BIRC6: variants seen among roughly 807,000 people sequenced by gnomAD.
The protein encoded by BIRC6 is baculoviral IAP repeat containing 6, also known as dual E2 ubiquitin-conjugating enzyme/E3 ubiquitin-protein ligase BIRC6.
BIRC6 carries 98 observed loss-of-function variants against 503.3 expected under a neutral mutation model. The observed-to-expected ratio is 0.19, with a 90% confidence interval of 0.17 to 0.23. The LOEUF (loss-of-function observed/expected upper bound fraction) is 0.23, where lower values mean the gene tolerates loss of function less well. Ranked by LOEUF, BIRC6 falls within the 10% of genes least tolerant of loss-of-function variation. The pLI is 1.00. For synonymous variants in BIRC6, 2,240 were observed against 2,078.7 expected, an observed-to-expected ratio of 1.08 and a Z score of -2.11; for missense variants, 5,360 against 5,806.0, an observed-to-expected ratio of 0.92 and a Z score of 2.50.
At chr2:32,371,749 C>T (rs1314068525) in intron 1 of BIRC6, among the ~76,000 whole-genome samples, 1 of 151,946 alleles carries the variant, frequency 6.6e-6, no homozygotes, top group African/African-American at 2.4e-5. Flanking sequence ...CTACCCCCTC[C>T]TTAGTTAATA....
intron 55 of BIRC6, among the ~76,000 whole-genome samples, chr2:32,517,500 G>A (rs1368030407): frequency 6.6e-6 from 1 of 152,136 alleles, no homozygotes; most frequent in African/African-American, 2.4e-5. Context: ...TGAAAATTTG[G>A]TTTGTGCTTC....
At chr2:32,577,609 A>C (rs1053008053) in intron 66 of BIRC6, among the ~76,000 whole-genome samples, 1 of 152,214 alleles carries the variant, frequency 6.6e-6, no homozygotes, top group African/African-American at 2.4e-5. Flanking sequence ...AGGTAATTAT[A>C]GAATATTCTT....
At chr2:32,562,038 A>G (rs937189999) in intron 65 of BIRC6, among the ~76,000 whole-genome samples, 3 of 151,944 alleles carry the variant, frequency 2.0e-5, no homozygotes, top group African/African-American at 2.4e-5. Flanking sequence ...TGAGACTCCA[A>G]CTTAAAAAAA....
chr2:32,481,765 CAAAAAAAAAG>C (rs2050428833), intron 38 of BIRC6, among the ~76,000 whole-genome samples: 1 of 135,736 alleles, frequency 7.4e-6, no homozygotes, highest in Non-Finnish European at 1.6e-5. Flanking sequence ...GACTCTGTCT[CAAAAAAAAAG>C]AAAAAAAAAA....
chr2:32,449,815 G>A (rs936074373), intron 22 of BIRC6, among the ~76,000 whole-genome samples: 4 of 152,260 alleles, frequency 2.6e-5, no homozygotes, highest in Middle Eastern at 3.4e-3. Context: ...ACCTGTATTC[G>A]TTAATATAGT....
intron 66 of BIRC6, among the ~76,000 whole-genome samples, chr2:32,583,003 T>C (rs1163478269): frequency 1.3e-5 from 2 of 152,230 alleles, no homozygotes; most frequent in African/African-American, 4.8e-5. Flanking sequence ...GTGTTTTAAG[T>C]TGTCCTCAAT....
intron 1 of BIRC6, among the ~76,000 whole-genome samples, chr2:32,371,344 C>T (rs2035917153): frequency 6.7e-6 from 1 of 149,166 alleles, no homozygotes; most frequent in African/African-American, 2.5e-5. Flanking sequence ...GCATTGTTAA[C>T]ATTTTGGCAT....
At chr2:32,472,093 G>T (rs1214170570) in intron 32 of BIRC6, among the ~76,000 whole-genome samples, 1 of 152,208 alleles carries the variant, frequency 6.6e-6, no homozygotes, top group Non-Finnish European at 1.5e-5. Context: ...AGAAAGTCTT[G>T]TCTCGTTCTG....
chr2:32,462,819 G>A (rs534038624), intron 23 of BIRC6, among the ~76,000 whole-genome samples: 23 of 152,082 alleles, frequency 1.5e-4, no homozygotes, highest in African/African-American at 5.3e-4. Context: ...AGCCAGGCAT[G>A]GTGGTGCATG....
intron 45 of BIRC6, among the ~76,000 whole-genome samples, 162 bp downstream of exon 45, chr2:32,493,829 T>A (rs926546479): frequency 3.3e-5 from 5 of 152,210 alleles, no homozygotes; most frequent in Non-Finnish European, 7.4e-5. Flanking sequence ...CCTGATTGTT[T>A]CCATTTCATT....
chr2:32,445,792 A>T, intron 21 of BIRC6, 124 bp downstream of exon 21: 1 of 698,564 alleles, frequency 1.4e-6, no homozygotes, highest in Non-Finnish European at 2.1e-6. Context: ...TGTTTAGTTT[A>T]TACCTTACTT....
intron 67 of BIRC6, chr2:32,594,308 T>G (rs1348046476): frequency 3.1e-6 from 1 of 325,408 alleles, no homozygotes; most frequent in Non-Finnish European, 5.5e-6. Context: ...TTATAAATAT[T>G]TCTTCCCCCT....
chr2:32,522,188 C>G (rs1421229929), intron 57 of BIRC6: 1 of 151,818 alleles, frequency 6.6e-6, no homozygotes, highest in Admixed American at 6.6e-5. Context: ...CTTCAGCTTT[C>G]TTGAACATAG....
At position 32,564,142 on chromosome 2, in the gene BIRC6, C is replaced by G. The variant is rs1422002161; in HGVS notation, c.13145-11014C>G. 2.6e-5 allele frequency: 4 copies of G among 152,244 alleles called. No homozygotes were observed. In the East Asian group the frequency reaches 7.7e-4, roughly 29 times the overall value. 9.4% of individuals were successfully genotyped at this position (152,244 alleles called of 1,614,324 possible). The stretch of plus-strand genomic sequence containing the variant: ...ATCATCTTCCATCCCCTCATCTTCT[C>G]TAGCACTAAGCGGCTGATAATCTAC... On this transcript the variant is annotated intron_variant, in intron 65 of 73. Coordinates refer to ENST00000421745, the MANE Select transcript of BIRC6 (RefSeq NM_016252.4).
intron 66 of BIRC6, among the ~76,000 whole-genome samples, chr2:32,582,628 G>C (rs1243370061): frequency 6.6e-6 from 1 of 152,120 alleles, no homozygotes; most frequent in African/African-American, 2.4e-5. Context: ...AGCTGCGTGT[G>C]GTGGCACGCA....
intron 3 of BIRC6, among the ~76,000 whole-genome samples, chr2:32,383,322 C>T (rs1366515344): frequency 1.3e-5 from 2 of 151,990 alleles, no homozygotes; most frequent in Admixed American, 6.6e-5. Flanking sequence ...GGATTCCAGG[C>T]GTGAGCCTAG....
Position 32,593,969 on chromosome 2 carries a change from A to G in BIRC6, c.13410A>G (p.Glu4470=). ...TGVKPDASDQ[E]PEGLTLLVPD... ...TAAAACCAGATGCGTCTGATCAAGA[A>G]CCAGAAGGACTTACTCTTTTGGTAC... The change falls in exon 67 of 74, where the codon GAA becomes GAG. Residue 4470 remains glutamate (E), a synonymous_variant. Coordinates refer to ENST00000421745, the MANE Select transcript of BIRC6 (RefSeq NM_016252.4). The G allele has an allele frequency of 6.2e-7, 1 of 1,613,810 alleles. No homozygotes were observed.
At chr2:32,476,159 A>T (rs1322236606) in intron 33 of BIRC6, 54 bp from the exon 34 acceptor site, 2 of 1,382,348 alleles carry the variant, frequency 1.4e-6, no homozygotes, top group Non-Finnish European at 1.9e-6. Flanking sequence ...GAGTATAATA[A>T]TTTTTTTGTT....
At position 32,545,681 on chromosome 2, in the gene BIRC6, A is replaced by G; in HGVS notation, c.12631A>G (p.Thr4211Ala). Residue 4211 changes from threonine (T) to alanine (A), a missense_variant, in exon 63 of 74, where the codon ACC becomes GCC. Thr to Ala is a moderately conservative substitution (Grantham distance 58). Coordinates refer to ENST00000421745, the MANE Select transcript of BIRC6 (RefSeq NM_016252.4). ...ATCTCCATCAGCCAATGTGCTTCCA[A>G]CCCTTCCTTTCCACGTCCTTCGTAG... ...LQSPSANVLP[T>A]LPFHVLRSLF... 4 of 1,613,808 alleles carry G rather than the reference A, an allele frequency of 2.5e-6. No homozygotes were observed. The highest frequency in any genetic ancestry group is 3.4e-6 in the Non-Finnish European group (4 of 1,179,804).
Sources: gnomAD v4.1 joint callset for allele counts (sites outside exome capture counted in the v4.1 genomes callset) on GRCh38, gnomAD v4.1.1 for gene constraint, MANE v1.5 for transcripts, NCBI Gene and HGNC (gene_info 2026-07-23, HGNC 2026-07-21) for gene names.